SH3BGRL: variants seen among roughly 807,000 people sequenced by gnomAD.
The protein encoded by SH3BGRL is adapter SH3BGRL.
A neutral mutation model predicts 9.8 loss-of-function variants in SH3BGRL; 7 were observed. The ratio of observed to expected loss-of-function variants is 0.72; its 90% CI spans 0.41 to 1.35. The LOEUF (loss-of-function observed/expected upper bound fraction) is 1.35, where lower values mean the gene tolerates loss of function less well. Ranked by LOEUF, SH3BGRL falls within the 40% of genes most tolerant of loss-of-function variation. SH3BGRL has a pLI of 0.01. For synonymous variants in SH3BGRL, 36 were observed against 29.1 expected (o/e 1.24, Z -0.76); for missense variants, 73 against 84.4 (o/e 0.86, Z 0.53).
intron 1 of SH3BGRL, among the ~76,000 whole-genome samples, chrX:81,272,312 C>T: frequency 9.1e-6 from 1 of 110,230 alleles, no homozygotes; most frequent in Admixed American, 9.7e-5. Flanking sequence ...ACTGCACTCG[C>T]TTATTGCCAA....
At chrX:81,279,348 G>T (rs1425148073) in intron 3 of SH3BGRL, among the ~76,000 whole-genome samples, 1 of 111,431 alleles carries the variant, frequency 9.0e-6, no homozygotes, top group Admixed American at 9.5e-5. Context: ...CTAGATTGCA[G>T]CATCTGCAAT....
chrX:81,276,927 C>G (rs1013511438), intron 1 of SH3BGRL, 57 bp from the exon 2 acceptor site: 2 of 1,047,175 alleles, frequency 1.9e-6, no homozygotes, highest in Admixed American at 2.7e-5. Flanking sequence ...TGCCAGCTCA[C>G]AAACATTTGA....
intron 1 of SH3BGRL, among the ~76,000 whole-genome samples, chrX:81,207,724 T>A (rs935867368): frequency 9.0e-6 from 1 of 111,464 alleles, no homozygotes. Context: ...TTTTTGGAGG[T>A]CCCTAACAGT....
intron 1 of SH3BGRL, chrX:81,255,413 T>A (rs2075722846): frequency 8.9e-6 from 1 of 112,207 alleles, no homozygotes; most frequent in African/African-American, 3.2e-5. Context: ...TGAAAGCTGA[T>A]CCTGTGATCT....
Position 81,297,287 on chromosome X carries a change from A to G in SH3BGRL, c.*60A>G. 1.1e-6 allele frequency: 1 copy of G among 944,140 alleles called. No individual in the cohort carries two copies. Among genetic ancestry groups the G allele is most frequent in the Non-Finnish European group, 1.5e-6 (1 of 669,431 alleles). 77.8% of individuals were successfully genotyped at this position (944,140 alleles called of 1,213,427 possible). On this transcript the variant is annotated 3_prime_UTR_variant, in exon 4 of 4. Transcript: ENST00000373212. ...TGAGTCTCCATTGCTTTTATAAAAT[A>G]GCAGAATTAGCTTTGCTTCAAAAGA...
intron 1 of SH3BGRL, among the ~76,000 whole-genome samples, chrX:81,249,896 C>T (rs1486389474): frequency 9.0e-6 from 1 of 110,778 alleles, no homozygotes; most frequent in South Asian, 3.8e-4. Flanking sequence ...TTAAACTGTT[C>T]TGTATGGTAG....
At chrX:81,204,573 C>A (rs933527138) in intron 1 of SH3BGRL, among the ~76,000 whole-genome samples, 1 of 110,434 alleles carries the variant, frequency 9.1e-6, no homozygotes, top group African/African-American at 3.3e-5. Flanking sequence ...GTTTCTTAAT[C>A]TTCCTACTGG....
chrX:81,254,910 G>A (rs971207481), intron 1 of SH3BGRL, among the ~76,000 whole-genome samples: 1 of 52,969 alleles, frequency 1.9e-5, no homozygotes, highest in Admixed American at 2.3e-4. Flanking sequence ...TTTTTTTTTT[G>A]ATATGGAGTC....
chrX:81,289,185 C>T (rs934177882), intron 3 of SH3BGRL, among the ~76,000 whole-genome samples: 1 of 112,189 alleles, frequency 8.9e-6, no homozygotes, highest in African/African-American at 3.2e-5. Context: ...AAAAGAGAGT[C>T]ACTTCAATAG....
intron 1 of SH3BGRL, among the ~76,000 whole-genome samples, chrX:81,249,290 T>C (rs2075701631): frequency 8.9e-6 from 1 of 112,383 alleles, no homozygotes; most frequent in Admixed American, 9.4e-5. Context: ...TAAATCTCAT[T>C]AGTTATTTTA....
intron 1 of SH3BGRL, among the ~76,000 whole-genome samples, chrX:81,211,296 C>T (rs979971812): frequency 4.5e-5 from 5 of 111,757 alleles, no homozygotes; most frequent in African/African-American, 1.6e-4. Context: ...AAGAGATTAA[C>T]ATTTGAGGCC....
At chrX:81,255,079 G>A (rs751409279) in intron 1 of SH3BGRL, among the ~76,000 whole-genome samples, 54 of 109,953 alleles carry the variant, frequency 4.9e-4, no homozygotes, top group Non-Finnish European at 9.7e-4. Context: ...TAGTAAAGAC[G>A]GGGTTTTATC....
At chrX:81,245,581 A>G (rs1228088239) in intron 1 of SH3BGRL, among the ~76,000 whole-genome samples, 1 of 112,002 alleles carries the variant, frequency 8.9e-6, no homozygotes, top group Non-Finnish European at 1.9e-5. Context: ...TCACTGTATG[A>G]ATAACCATTA....
intron 1 of SH3BGRL, among the ~76,000 whole-genome samples, chrX:81,268,770 C>G (rs1171163297): frequency 1.8e-5 from 2 of 111,317 alleles, no homozygotes; most frequent in Non-Finnish European, 1.9e-5. Flanking sequence ...CCTGGATATC[C>G]TTGTTAATTT....
At chrX:81,215,532 A>C (rs1482799445) in intron 1 of SH3BGRL, among the ~76,000 whole-genome samples, 2 of 111,260 alleles carry the variant, frequency 1.8e-5, no homozygotes, top group African/African-American at 6.6e-5. Flanking sequence ...AATGAAGGAG[A>C]AAGTATGGGG....
At chrX:81,208,656 G>A (rs777760925) in intron 1 of SH3BGRL, among the ~76,000 whole-genome samples, 2 of 111,978 alleles carry the variant, frequency 1.8e-5, no homozygotes, top group African/African-American at 6.5e-5. Flanking sequence ...TTTAAACCCA[G>A]TCTTTAATTA....
intron 1 of SH3BGRL, among the ~76,000 whole-genome samples, chrX:81,239,723 A>G (rs2075661907): frequency 8.9e-6 from 1 of 112,426 alleles, no homozygotes; most frequent in Non-Finnish European, 1.9e-5. Context: ...CAAGGCATTT[A>G]ATAATCAAAC....
intron 1 of SH3BGRL, among the ~76,000 whole-genome samples, chrX:81,223,224 T>G (rs931217722): frequency 8.9e-6 from 1 of 111,743 alleles, no homozygotes; most frequent in Admixed American, 9.5e-5. Flanking sequence ...ATTGCTTTTG[T>G]TGTTTTAGTC....
intron 1 of SH3BGRL, among the ~76,000 whole-genome samples, chrX:81,247,521 A>G (rs1249139935): frequency 9.0e-6 from 1 of 111,681 alleles, no homozygotes; most frequent in Non-Finnish European, 1.9e-5. Context: ...ATGAAAAGAT[A>G]CTGGATTTTA....
Sources: allele counts gnomAD v4.1 joint callset (sites outside exome capture counted in the v4.1 genomes callset), GRCh38; gene constraint gnomAD v4.1.1; transcripts MANE v1.5; gene names NCBI Gene and HGNC (gene_info 2026-07-23, HGNC 2026-07-21).